Variants in DOP1B observed in about 807,000 individuals in gnomAD.
DOP1B encodes the protein protein DOP1B.
A neutral mutation model predicts 233.5 loss-of-function variants in DOP1B; 174 were observed. The observed-to-expected ratio is 0.75, with a 90% CI of 0.66 to 0.85. The LOEUF is 0.85. Ranked by LOEUF, DOP1B falls within the 40% of genes least tolerant of loss-of-function variation. The probability of loss-of-function intolerance (pLI) is 0.00; values close to 1 mark genes in which losing one functional copy is unlikely to be tolerated. For missense variants in DOP1B, 2,652 were observed against 2,846.6 expected (o/e 0.93, Z 1.56); for synonymous variants, 1,190 against 1,185.6 (o/e 1.00, Z -0.08).
chr21:36,245,866 G>T lies in DOP1B; in HGVS notation c.3886G>T (p.Gly1296Ter). 6.2e-7 allele frequency: 1 copy of T among 1,613,732 alleles called. No individual in the cohort carries two copies. The highest frequency in any genetic ancestry group is 8.5e-7 in the Non-Finnish European group (1 of 1,179,986). ...GGCCCTCATTGGCCAGAGTTTCTAC[G>T]GAAAGCTCCAGACCCAGGTCCCCAA... ...QEALIGQSFY[G>*]KLQTQVPNVC... The change falls in exon 19 of 37, where the codon GGA (glycine) becomes TGA (stop). Residue 1296 changes from glycine (G) to a stop codon, truncating the protein, a stop_gained. Coordinates refer to ENST00000691173, the MANE Select transcript of DOP1B (RefSeq NM_001320714.2). LOFTEE classifies it high-confidence loss of function. The surrounding 1 kb of genome is among the most constrained non-coding windows in gnomAD (Gnocchi z 5.5).
chr21:36,230,550 G>C lies in DOP1B; in HGVS notation c.1766G>C (p.Ser589Thr), dbSNP rs1210006122. The change falls in exon 14 of 37, where the codon AGT becomes ACT. Residue 589 changes from serine (S) to threonine (T), a missense_variant. Ser to Thr is a moderately conservative substitution (Grantham distance 58). Transcript: ENST00000691173. ...ASFPPLKSEDSGIGLSASSPE... is the reference protein window; with the variant it reads ...ASFPPLKSEDTGIGLSASSPE... ...TTTCCCCCTCTGAAGTCTGAGGACA[G>C]TGGGATCGGGCTCAGTGCCTCGTCA... 6.2e-7 allele frequency: 1 copy of C among 1,614,244 alleles called. No individual in the cohort carries two copies. Among genetic ancestry groups the C allele is most frequent in the South Asian group, 1.1e-5 (1 of 91,092 alleles).
chr21:36,265,344 C>G (rs1249312686), intron 26 of DOP1B, among the ~76,000 whole-genome samples: 1 of 151,542 alleles, frequency 6.6e-6, no homozygotes, highest in Non-Finnish European at 1.5e-5. Context: ...TACAGTGAGC[C>G]GAGATCTCAC....
At chr21:36,185,910 G>A (rs2066160274) in intron 2 of DOP1B, among the ~76,000 whole-genome samples, 1 of 152,160 alleles carries the variant, frequency 6.6e-6, no homozygotes, top group Non-Finnish European at 1.5e-5. Flanking sequence ...GTTTTAAAAA[G>A]TAATTTTCTG....
chr21:36,277,100 G>A lies in DOP1B; in HGVS notation c.5712G>A (p.Glu1904=). Residue 1904 remains glutamate, a splice_region_variant and synonymous_variant, in exon 28 of 37, where the codon GAG becomes GAA. Transcript: ENST00000691173. ...TGCAAGCCCTCTCTCTCCTGGCAGA[G>A]GTAAATACACACCTGACCTGTCGTC... is the stretch of plus-strand genomic sequence containing the variant. The part of the protein sequence containing the change: ...YSVQALSLLA[E]VLASLLDMVY... 6.2e-7 allele frequency: 1 copy of A among 1,613,924 alleles called. No homozygotes were observed. The highest frequency in any genetic ancestry group is 8.5e-7 in the Non-Finnish European group (1 of 1,179,950).
intron 23 of DOP1B, among the ~76,000 whole-genome samples, chr21:36,258,380 A>G (rs1601457401): frequency 1.3e-5 from 2 of 152,286 alleles, no homozygotes; most frequent in South Asian, 2.1e-4. Context: ...GCACTCCAGT[A>G]CAGAGCAAGA....
intron 15 of DOP1B, 87 bp downstream of exon 15, chr21:36,233,162 G>A: frequency 3.4e-6 from 5 of 1,482,738 alleles, no homozygotes; most frequent in Non-Finnish European, 4.5e-6. Context: ...TGGGGGCAGT[G>A]GCCCACTTCT....
intron 2 of DOP1B, chr21:36,170,059 A>T (rs2065958268): frequency 2.8e-6 from 2 of 706,424 alleles, no homozygotes; most frequent in Admixed American, 1.9e-5. Context: ...TGTGACGTTG[A>T]CCAGCTTGGA....
intron 2 of DOP1B, among the ~76,000 whole-genome samples, chr21:36,172,673 A>T (rs1258881515): frequency 6.6e-6 from 1 of 152,056 alleles, no homozygotes; most frequent in Non-Finnish European, 1.5e-5. Flanking sequence ...AGGTGGGAGG[A>T]TCCCTGGAGC....
At chr21:36,174,711 C>A (rs917115623) in intron 2 of DOP1B, among the ~76,000 whole-genome samples, 3 of 152,154 alleles carry the variant, frequency 2.0e-5, no homozygotes, top group African/African-American at 7.2e-5. Context: ...CAGGGTTTCA[C>A]TATGTTGCCC....
chr21:36,166,820 C>T (rs2065915480), intron 2 of DOP1B, among the ~76,000 whole-genome samples: 1 of 152,202 alleles, frequency 6.6e-6, no homozygotes, highest in East Asian at 1.9e-4. Context: ...AGATGGCTAT[C>T]AGGCACGCTG....
At position 36,253,900 on chromosome 21, in the gene DOP1B, G is replaced by A. The variant is rs1489389379; in HGVS notation, c.5250G>A (p.Gly1750=). 1.2e-6 allele frequency: 2 copies of A among 1,613,844 alleles called. No homozygotes were observed. Among genetic ancestry groups the A allele is most frequent in the African/African-American group, 2.7e-5 (2 of 75,038 alleles). Residue 1750 remains glycine (G), a synonymous_variant, in exon 23 of 37, where the codon GGG becomes GGA. Transcript: ENST00000691173. The part of the protein sequence containing the change: ...EVVKRPPQVK[G]GDEKSPLVDI... ...TGAAGAGGCCACCCCAAGTCAAAGG[G>A]GGTGATGAGGTGAGGAGCCTGGGGA...
intron 2 of DOP1B, among the ~76,000 whole-genome samples, chr21:36,195,842 T>G (rs889533649): frequency 3.9e-5 from 6 of 152,232 alleles, no homozygotes; most frequent in African/African-American, 1.4e-4. Context: ...ATTTCTGCCT[T>G]ACTGGATCAG....
chr21:36,236,293 T>G (rs142084527), intron 15 of DOP1B, among the ~76,000 whole-genome samples: 26 of 152,308 alleles, frequency 1.7e-4, no homozygotes, highest in African/African-American at 6.3e-4. Context: ...AGTTCAGGGC[T>G]GGGAAGATGG....
Position 36,232,810 on chromosome 21 carries a change from G to T in DOP1B, c.2357G>T (p.Gly786Val). 1 of 1,612,298 alleles carries T rather than the reference G, an allele frequency of 6.2e-7. No individual in the cohort carries two copies. Among genetic ancestry groups the T allele is most frequent in the Admixed American group, 1.7e-5 (1 of 59,946 alleles). The change falls in exon 15 of 37, where the codon GGT becomes GTT. Residue 786 changes from glycine to valine, a missense_variant. By Grantham distance (109) the Gly-to-Val change is moderately radical. Around this residue, in one of 3 missense-constraint regions of DOP1B, gnomAD observed 2,617 missense variants for 2,794.3 expected, o/e 0.94. Coordinates refer to ENST00000691173, the MANE Select transcript of DOP1B (RefSeq NM_001320714.2). ...CCGGCTGGCTTCCTTTCAGGAGCCG[G>T]TGATTCCAGTTTTCCATCTTGGCTG... is the stretch of plus-strand genomic sequence containing the variant. ...CATLFQLPGA[G>V]DSSFPSWLKS...
chr21:36,159,061 G>T (rs1297806421), intron 1 of DOP1B, among the ~76,000 whole-genome samples: 4 of 152,098 alleles, frequency 2.6e-5, no homozygotes, highest in Non-Finnish European at 5.9e-5. Context: ...GAACCCGGGA[G>T]GCAGAGGTTG....
Position 36,278,269 on chromosome 21 carries a change from T to C in DOP1B, c.5883T>C (p.Tyr1961=), listed in dbSNP as rs779299493. The part of the protein sequence containing the change: ...GAQLLSSLSG[Y]AYTKRAWRKE... ...AGCTGCTGAGCTCCCTGAGTGGCTA[T>C]GCCTACACAAAGCGAGCCTGGAGGA... The change falls in exon 30 of 37, where the codon TAT becomes TAC. Residue 1961 remains tyrosine, a synonymous_variant. Coordinates refer to ENST00000691173, the MANE Select transcript of DOP1B (RefSeq NM_001320714.2). 1.2e-6 allele frequency: 2 copies of C among 1,614,174 alleles called. No individual in the cohort carries two copies. Among genetic ancestry groups the C allele is most frequent in the East Asian group, 4.5e-5 (2 of 44,872 alleles).
chr21:36,173,710 G>A (rs1370712501), intron 2 of DOP1B, among the ~76,000 whole-genome samples: 2 of 152,014 alleles, frequency 1.3e-5, no homozygotes, highest in African/African-American at 4.8e-5. Context: ...GGCGTGAGCC[G>A]CCGCGCCCGG....
At chr21:36,201,328 A>C (rs1601406480) in intron 4 of DOP1B, among the ~76,000 whole-genome samples, 1 of 120,232 alleles carries the variant, frequency 8.3e-6, no homozygotes, top group Admixed American at 8.7e-5. Context: ...ATTCTATTCC[A>C]CTGTATCTAT....
intron 27 of DOP1B, among the ~76,000 whole-genome samples, chr21:36,273,949 G>T (rs2067320413): frequency 6.6e-6 from 1 of 152,072 alleles, no homozygotes. Flanking sequence ...GTGGTGGCAG[G>T]TACCTGTAGT....
Sources: gnomAD v4.1 joint callset for allele counts (sites outside exome capture counted in the v4.1 genomes callset) on GRCh38, gnomAD v4.1.1 for gene constraint, gnomAD v4.1.1 regional missense constraint, Gnocchi (gnomAD v3.1) non-coding constraint, MANE v1.5 for transcripts, NCBI Gene and HGNC (gene_info 2026-07-23, HGNC 2026-07-21) for gene names.